The following MAP4K5 variants were observed in gnomAD, a reference collection of about 807,000 sequenced individuals.
MAP4K5 encodes the protein MAPK/ERK kinase kinase kinase 5.
In MAP4K5, 82 loss-of-function variants were observed where a neutral mutation model predicts 135.6. The ratio of observed to expected loss-of-function variants is 0.60; its 90% confidence interval spans 0.51 to 0.73. The LOEUF is 0.73. Among genes scored for constraint, MAP4K5 ranks in the 30% least tolerant of loss-of-function variants. The probability of loss-of-function intolerance (pLI) is 0.00; values close to 1 mark genes in which losing one functional copy is unlikely to be tolerated. For missense variants in MAP4K5, 907 were observed against 1,010.9 expected (o/e 0.90, Z 1.39); for synonymous variants, 347 against 335.0 (o/e 1.04, Z -0.39).
At position 50,541,825 on chromosome 14, in the gene MAP4K5, G is replaced by A. The variant is rs896147699; in HGVS notation, c.-94+674C>T. Among the ~76,000 whole-genome samples the A allele has an allele frequency of 2.6e-5, 4 of 151,560 alleles. No individual in the cohort carries two copies. The East Asian group carries it at 5.8e-4, about 22-fold the overall frequency. On this transcript the variant is annotated intron_variant, in intron 2 of 8. Transcript: ENST00000555216. ...CACGAGGTCAGGAGATTGAGATCAC[G>A]GTGAAACCCCATCTCTCTAAAAATA...
At chr14:50,548,039 C>T (rs956353465) in intron 1 of MAP4K5, among the ~76,000 whole-genome samples, 2 of 152,136 alleles carry the variant, frequency 1.3e-5, no homozygotes, top group Admixed American at 6.5e-5. Context: ...GACTACCCTA[C>T]AAACCACCTT....
intron 9 of MAP4K5, chr14:50,471,756 T>C (rs905043782): frequency 1.6e-4 from 24 of 152,138 alleles, no homozygotes; most frequent in African/African-American, 5.6e-4. Context: ...AGAAATATGG[T>C]AAGGGAGTTA....
chr14:50,456,259 T>C (rs1324914653), intron 14 of MAP4K5: 4 of 450,996 alleles, frequency 8.9e-6, no homozygotes, highest in East Asian at 4.2e-5. Flanking sequence ...GCATGCAATG[T>C]TAATTTTCTC....
At chr14:50,560,664 G>A (rs567109741) in intron 1 of MAP4K5, among the ~76,000 whole-genome samples, 1 of 152,244 alleles carries the variant, frequency 6.6e-6, no homozygotes, top group Non-Finnish European at 1.5e-5. Flanking sequence ...TGGGCAGGGG[G>A]CTGTTGTTAC....
intron 13 of MAP4K5, among the ~76,000 whole-genome samples, chr14:50,460,218 A>C (rs1310301639): frequency 1.3e-5 from 2 of 152,022 alleles, no homozygotes; most frequent in African/African-American, 4.8e-5. Flanking sequence ...CTCCCATTCC[A>C]TCACATGTGT....
intron 2 of MAP4K5, among the ~76,000 whole-genome samples, chr14:50,507,554 T>C (rs1229683091): frequency 2.6e-5 from 4 of 152,222 alleles, no homozygotes; most frequent in Non-Finnish European, 1.5e-5. Context: ...TGTGTCTTTG[T>C]TCTCATTGGT....
At chr14:50,541,055 A>G (rs1350148005) in intron 2 of MAP4K5, among the ~76,000 whole-genome samples, 3 of 152,252 alleles carry the variant, frequency 2.0e-5, no homozygotes, top group African/African-American at 7.2e-5. Context: ...GCAAATCAGA[A>G]CAGCTCTTGG....
At chr14:50,420,234 C>A (rs17122518) in intron 32 of MAP4K5, 128 bp from the exon 33 acceptor site, 31,880 of 657,726 alleles carry the variant, frequency 0.048, 1,172 homozygotes, top group African/African-American at 0.15. Flanking sequence ...CACAGACGCA[C>A]AATCAAATTC....
At chr14:50,443,133 T>C (rs2036264468) in intron 20 of MAP4K5, among the ~76,000 whole-genome samples, 1 of 152,182 alleles carries the variant, frequency 6.6e-6, no homozygotes, top group Non-Finnish European at 1.5e-5. Context: ...TGTGAAACAA[T>C]GGATAATTTT....
intron 15 of MAP4K5, among the ~76,000 whole-genome samples, chr14:50,448,177 G>A (rs1005194690): frequency 2.0e-5 from 3 of 152,026 alleles, no homozygotes; most frequent in African/African-American, 7.2e-5. Flanking sequence ...ACCACGCCTG[G>A]CTGATTTTTG....
At chr14:50,495,151 G>A (rs1429411843) in intron 3 of MAP4K5, among the ~76,000 whole-genome samples, 1 of 152,108 alleles carries the variant, frequency 6.6e-6, no homozygotes, top group Non-Finnish European at 1.5e-5. Flanking sequence ...TAGAACAGGA[G>A]AAAATATTTT....
chr14:50,419,941 GT>G lies in MAP4K5; in HGVS notation c.*77del. 4 of 964,264 alleles carry G rather than the reference GT, an allele frequency of 4.1e-6. No individual in the cohort carries two copies. The highest frequency in any genetic ancestry group is 6.5e-6 in the Non-Finnish European group (4 of 611,090). The allele number at this position is 964,264 out of a possible 1,614,324, so 59.7% of individuals were successfully genotyped here. ...AATAGTTAAAGCAAATCATAGTGCA[GT>G]TTGTATTGAATTTCCTTATTTTTCC... On this transcript the variant is annotated 3_prime_UTR_variant, in exon 33 of 33. Coordinates refer to ENST00000682126, the MANE Select transcript of MAP4K5 (RefSeq NM_006575.6).
intron 14 of MAP4K5, among the ~76,000 whole-genome samples, chr14:50,453,533 T>C (rs182290031): frequency 6.5e-4 from 99 of 152,262 alleles, no homozygotes; most frequent in Non-Finnish European, 1.1e-3. Flanking sequence ...GCCAGAAACA[T>C]TGCTACATGA....
In MAP4K5 at chr14:50,467,960, T is replaced by C. The variant is rs367774793; in HGVS notation, c.674+691A>G. On this transcript the variant is annotated intron_variant, in intron 10 of 32. Transcript: ENST00000682126. ...AACACTTTCACCATTCTGTTAATTTTCTTTTTAGCTTCATACCATTTAAAG... is the reference window on the plus strand; with the variant it reads ...AACACTTTCACCATTCTGTTAATTTCCTTTTTAGCTTCATACCATTTAAAG... Among the ~76,000 whole-genome samples, 18 of 152,258 alleles carry C rather than the reference T, an allele frequency of 1.2e-4. No individual in the cohort carries two copies. In the East Asian group the frequency reaches 3.5e-3, roughly 29 times the overall value.
intron 2 of MAP4K5, among the ~76,000 whole-genome samples, chr14:50,520,820 C>CT (rs139101824): frequency 0.011 from 1,218 of 107,906 alleles, 15 homozygotes; most frequent in African/African-American, 0.013. Context: ...GCAAAGTCAT[C>CT]TTTTTTTTTT....
chr14:50,535,054 G>A (rs534709763), upstream of MAP4K5, among the ~76,000 whole-genome samples: 17 of 152,266 alleles, frequency 1.1e-4, no homozygotes, highest in South Asian at 3.5e-3. Flanking sequence ...TGGCTTGATA[G>A]GTCCTTCATT....
intron 18 of MAP4K5, among the ~76,000 whole-genome samples, chr14:50,444,291 T>C (rs1032321785): frequency 1.5e-4 from 23 of 152,218 alleles, no homozygotes; most frequent in African/African-American, 5.3e-4. Flanking sequence ...GACTCTGATA[T>C]GCAAGGCTTT....
In MAP4K5 at chr14:50,457,265, GGA is replaced by G. The variant is rs370338667; in HGVS notation, c.937-673_937-672del. On this transcript the variant is annotated intron_variant, in intron 13 of 32. Coordinates refer to ENST00000682126, the MANE Select transcript of MAP4K5 (RefSeq NM_006575.6). ...AGTTTCTTGGCAAAAGGAATTTTTT[GGA>G]GACTTTACAGCAAGGAAGTGGCATT... 1.1e-3 allele frequency among the ~76,000 whole-genome samples: 168 copies of G among 152,204 alleles called. 2 individuals carry two copies. In the South Asian group the frequency reaches 0.032, roughly 29 times the overall value.
intron 2 of MAP4K5, among the ~76,000 whole-genome samples, chr14:50,540,112 G>A (rs1262773162): frequency 6.6e-6 from 1 of 152,206 alleles, no homozygotes; most frequent in Non-Finnish European, 1.5e-5. Context: ...TGGGATCCAT[G>A]ATTTTATATC....
Sources: gnomAD v4.1 joint callset for allele counts (sites outside exome capture counted in the v4.1 genomes callset) on GRCh38, gnomAD v4.1.1 for gene constraint, MANE v1.5 for transcripts, NCBI Gene and HGNC (gene_info 2026-07-23, HGNC 2026-07-21) for gene names.